Variants in CC2D2A observed in about 807,000 individuals in gnomAD.
CC2D2A encodes the protein coiled-coil and C2 domain containing 2A.
CC2D2A carries 155 observed loss-of-function variants against 212.9 expected under a neutral mutation model. That is an observed-to-expected ratio of 0.73 (90% CI 0.64 to 0.83). CC2D2A has a LOEUF of 0.83. Among genes scored for constraint, CC2D2A ranks in the 40% least tolerant of loss-of-function variants. The probability of loss-of-function intolerance (pLI) is 0.00; values close to 1 mark genes in which losing one functional copy is unlikely to be tolerated. For synonymous variants in CC2D2A, 667 were observed against 686.5 expected, an observed-to-expected ratio of 0.97 and a Z score of 0.44; for missense variants, 1,856 against 1,956.2, an observed-to-expected ratio of 0.95 and a Z score of 0.97.
At chr4:15,542,686 C>A (rs1560174149) in intron 17 of CC2D2A, among the ~76,000 whole-genome samples, 1 of 152,150 alleles carries the variant, frequency 6.6e-6, no homozygotes, top group Non-Finnish European at 1.5e-5. Context: ...AGATGCCATC[C>A]TGGCCACATA....
chr4:15,583,969 A>G lies in CC2D2A; in HGVS notation c.3976-2188A>G, dbSNP rs1008064830. On this transcript the variant is annotated intron_variant, in intron 30 of 36. Coordinates refer to ENST00000424120, the MANE Select transcript of CC2D2A (RefSeq NM_001378615.1). Reference sequence around the variant, plus strand: ...CCATCTCAAAAAAAAAAAAAAGAAAAGAAAAGAAAATTACAAACACTGATG... The same window carrying G: ...CCATCTCAAAAAAAAAAAAAAGAAAGGAAAAGAAAATTACAAACACTGATG... 2.6e-5 allele frequency among the ~76,000 whole-genome samples: 4 copies of G among 151,644 alleles called. No homozygotes were observed. The South Asian group carries it at 8.3e-4, about 31-fold the overall frequency.
chr4:15,491,936 G>T (rs1457394607), intron 4 of CC2D2A, among the ~76,000 whole-genome samples: 1 of 152,072 alleles, frequency 6.6e-6, no homozygotes, highest in East Asian at 1.9e-4. Context: ...TTTTAGGGTT[G>T]TATCTAAAAA....
Position 15,538,011 on chromosome 4 carries a change from A to C in CC2D2A, c.1877A>C (p.Asp626Ala), listed in dbSNP as rs903322036. 6.2e-7 allele frequency: 1 copy of C among 1,609,424 alleles called. No homozygotes were observed. The highest frequency in any genetic ancestry group is 1.3e-5 in the African/African-American group (1 of 74,856). ...AAGCCCAGCCCTCCAGAGCCCACTG[A>C]TCGGGCAGTGATAGAGCAGGAGGTG... ...LVKPSPPEPTDRAVIEQEVRE... is the reference protein window; with the variant it reads ...LVKPSPPEPTARAVIEQEVRE... The change falls in exon 16 of 37, where the codon GAT becomes GCT. Residue 626 changes from aspartate to alanine, a missense_variant. By Grantham distance (126) the Asp-to-Ala change is moderately radical. This residue lies in a region of CC2D2A where 1,512 missense variants were observed against 1,579.3 expected (regional missense o/e 0.96). Coordinates refer to ENST00000424120, the MANE Select transcript of CC2D2A (RefSeq NM_001378615.1).
intron 8 of CC2D2A, 125 bp from the exon 9 acceptor site, chr4:15,514,582 T>C (rs1716750887): frequency 1.3e-6 from 1 of 792,366 alleles, no homozygotes; most frequent in Non-Finnish European, 1.8e-6. Flanking sequence ...GCTTTCACTT[T>C]TTTAAAAAAA....
At chr4:15,583,776 C>T (rs186531837) in intron 30 of CC2D2A, among the ~76,000 whole-genome samples, 2 of 151,796 alleles carry the variant, frequency 1.3e-5, no homozygotes, top group Non-Finnish European at 2.9e-5. Context: ...GGTGTAACCC[C>T]GTCTCTACTA....
intron 7 of CC2D2A, among the ~76,000 whole-genome samples, chr4:15,510,734 G>A (rs1716523862): frequency 6.6e-6 from 1 of 152,144 alleles, no homozygotes; most frequent in South Asian, 2.1e-4. Context: ...TGAGGATGAG[G>A]GAGTGCATGG....
intron 2 of CC2D2A, among the ~76,000 whole-genome samples, chr4:15,477,570 GA>G (rs556369427): frequency 4.7e-4 from 71 of 152,284 alleles, no homozygotes; most frequent in African/African-American, 1.6e-3. Context: ...TAAAAACTTA[GA>G]ATTGAATTAA....
In CC2D2A at chr4:15,569,369, G is replaced by A. The variant is rs1720052494; in HGVS notation, c.3475G>A (p.Val1159Ile). Residue 1159 changes from valine (V) to isoleucine (I), a missense_variant, in exon 27 of 37, where the codon GTA (valine) becomes ATA (isoleucine). Physicochemically the swap from Val to Ile is conservative, Grantham distance 29. This residue lies in a region of CC2D2A where 1,512 missense variants were observed against 1,579.3 expected (regional missense o/e 0.96). Transcript: ENST00000424120. ...TGTGTTCATTAACATTTTTGATGAAGTACTGCATGATGTCTTAGAGGTAAG... is the reference window on the plus strand; with the variant it reads ...TGTGTTCATTAACATTTTTGATGAAATACTGCATGATGTCTTAGAGGTAAG... Reference protein sequence around the residue: ...DVVFINIFDEVLHDVLEDDRE... With the variant: ...DVVFINIFDEILHDVLEDDRE... 2.5e-6 allele frequency: 4 copies of A among 1,569,834 alleles called. No individual in the cohort carries two copies. Among genetic ancestry groups the A allele is most frequent in the Non-Finnish European group, 3.5e-6 (4 of 1,153,742 alleles).
In CC2D2A at chr4:15,568,799, C is replaced by T. The variant is rs1328068444; in HGVS notation, c.3399-494C>T. Among the ~76,000 whole-genome samples, 3 of 152,166 alleles carry T rather than the reference C, an allele frequency of 2.0e-5. 1 individual carries two copies. Among genetic ancestry groups the T allele is most frequent in the Admixed American group, 2.0e-4 (3 of 15,284 alleles). ...GGGTTATGTTACAGGAGACCTTACC[C>T]CTGTATTGCTTTACTTATATACAGA... is the stretch of plus-strand genomic sequence containing the variant. On this transcript the variant is annotated intron_variant, in intron 26 of 36. Transcript: ENST00000424120.
chr4:15,530,562 T>C (rs1396411548), intron 13 of CC2D2A, among the ~76,000 whole-genome samples: 1 of 152,040 alleles, frequency 6.6e-6, no homozygotes, highest in African/African-American at 2.4e-5. Context: ...ACATCAGAAA[T>C]ACGTGTGAGA....
intron 6 of CC2D2A, 51 bp downstream of exon 6, chr4:15,502,974 A>T: frequency 7.0e-7 from 1 of 1,438,452 alleles, no homozygotes; most frequent in Non-Finnish European, 9.4e-7. Context: ...AGCAGAATAT[A>T]AAGTTTCCAG....
intron 19 of CC2D2A, among the ~76,000 whole-genome samples, chr4:15,553,811 T>C (rs2109053839): frequency 6.6e-6 from 1 of 152,322 alleles, no homozygotes; most frequent in East Asian, 1.9e-4. Context: ...TGTTTGATGG[T>C]TGTCCCTGAA....
intron 11 of CC2D2A, among the ~76,000 whole-genome samples, chr4:15,522,457 T>A (rs1717265297): frequency 6.6e-6 from 1 of 152,056 alleles, no homozygotes; most frequent in African/African-American, 2.4e-5. Flanking sequence ...ATTAGAGAAT[T>A]TAAGAGTTTT....
At chr4:15,567,610 T>C (rs1431389783) in intron 25 of CC2D2A, 67 bp from the exon 26 acceptor site, 3 of 1,348,352 alleles carry the variant, frequency 2.2e-6, no homozygotes, top group East Asian at 4.9e-5. Flanking sequence ...AAATATACTC[T>C]ATTTTTGCTA....
chr4:15,594,283 C>A (rs961014472), intron 33 of CC2D2A, among the ~76,000 whole-genome samples: 1 of 152,110 alleles, frequency 6.6e-6, no homozygotes, highest in African/African-American at 2.4e-5. Flanking sequence ...TAAAATGCTC[C>A]ATTTTTGTTT....
At chr4:15,497,174 T>C (rs1384999333) in intron 4 of CC2D2A, among the ~76,000 whole-genome samples, 1 of 152,216 alleles carries the variant, frequency 6.6e-6, no homozygotes, top group Non-Finnish European at 1.5e-5. Context: ...ACTGCAAGGA[T>C]ACGGTAACTA....
chr4:15,596,975 A>G (rs1259297180), intron 34 of CC2D2A, among the ~76,000 whole-genome samples: 1 of 152,194 alleles, frequency 6.6e-6, no homozygotes, highest in Non-Finnish European at 1.5e-5. Context: ...GCATGTTCAT[A>G]AAACAATTAC....
At chr4:15,600,432 C>A (rs1721532017) in intron 36 of CC2D2A, among the ~76,000 whole-genome samples, 1 of 152,230 alleles carries the variant, frequency 6.6e-6, no homozygotes, top group South Asian at 2.1e-4. Flanking sequence ...CATCCTGAGA[C>A]TGGGTTTCCT....
intron 17 of CC2D2A, 123 bp downstream of exon 17, chr4:15,541,137 C>T: frequency 5.7e-6 from 4 of 704,082 alleles, no homozygotes; most frequent in Admixed American, 3.2e-5. Flanking sequence ...CATGGCAAAA[C>T]CACATCTCTA....
Sources: gnomAD v4.1 joint callset for allele counts (sites outside exome capture counted in the v4.1 genomes callset) on GRCh38, gnomAD v4.1.1 for gene constraint, gnomAD v4.1.1 regional missense constraint, MANE v1.5 for transcripts, NCBI Gene and HGNC (gene_info 2026-07-23, HGNC 2026-07-21) for gene names.